The following MANBA variants were observed in gnomAD, a reference collection of about 807,000 sequenced individuals.
MANBA encodes the protein mannosidase beta.
In MANBA, 83 loss-of-function variants were observed where a neutral mutation model predicts 111.1. That is an observed-to-expected ratio of 0.75 (90% CI 0.63 to 0.90). MANBA has a LOEUF of 0.90. Ranked by LOEUF, MANBA falls within the 40% of genes least tolerant of loss-of-function variation. MANBA has a pLI of 0.00. For missense variants in MANBA, 1,036 were observed against 1,069.0 expected, an observed-to-expected ratio of 0.97 and a Z score of 0.43; for synonymous variants, 370 against 378.7, an observed-to-expected ratio of 0.98 and a Z score of 0.27.
At chr4:102,735,016 G>A (rs1723160232) in intron 1 of MANBA, among the ~76,000 whole-genome samples, 1 of 152,100 alleles carries the variant, frequency 6.6e-6, no homozygotes, top group Non-Finnish European at 1.5e-5. Flanking sequence ...CCCATTATTT[G>A]TGCACTACAG....
At chr4:102,639,033 A>C (rs1729752438) in intron 14 of MANBA, among the ~76,000 whole-genome samples, 1 of 152,210 alleles carries the variant, frequency 6.6e-6, no homozygotes, top group Non-Finnish European at 1.5e-5. Context: ...TCTCTAGTGA[A>C]GGGCAAAGAC....
intron 1 of MANBA, chr4:102,728,795 G>GGA: frequency 1.1e-6 from 1 of 939,960 alleles, no homozygotes. Context: ...CCCATCATGG[G>GGA]TCTCGATCTT....
chr4:102,685,665 G>T (rs1028923353), intron 7 of MANBA, among the ~76,000 whole-genome samples: 8 of 151,956 alleles, frequency 5.3e-5, no homozygotes, highest in Non-Finnish European at 1.2e-4. Context: ...TTTTGCTGTT[G>T]CTTTCCATTC....
intron 10 of MANBA, chr4:102,665,605 T>C (rs1731182464): frequency 6.6e-6 from 1 of 152,230 alleles, no homozygotes; most frequent in Non-Finnish European, 1.5e-5. Flanking sequence ...ACTGAGCTCA[T>C]CTGGGCTGGC....
intron 13 of MANBA, 124 bp from the exon 14 acceptor site, chr4:102,639,981 A>T: frequency 9.9e-7 from 1 of 1,012,156 alleles, no homozygotes. Context: ...GGATAAAATT[A>T]GGGAATTTAA....
At chr4:102,734,707 G>A (rs1723147513) in intron 1 of MANBA, 1 of 865,782 alleles carries the variant, frequency 1.2e-6, no homozygotes, top group African/African-American at 1.7e-5. Context: ...CTCCATCCCA[G>A]GTTCAGGGTC....
At chr4:102,699,856 G>A (rs1182783422) in intron 5 of MANBA, among the ~76,000 whole-genome samples, 1 of 150,772 alleles carries the variant, frequency 6.6e-6, no homozygotes, top group Non-Finnish European at 1.5e-5. Context: ...TTGGTATCAG[G>A]ATGATGCTGG....
At chr4:102,714,615 C>G (rs975813903) in intron 4 of MANBA, 54 bp from the exon 5 acceptor site, 10 of 1,540,942 alleles carry the variant, frequency 6.5e-6, no homozygotes, top group Admixed American at 3.4e-5. Context: ...GAAATTTAAA[C>G]ATTATGAAAA....
chr4:102,682,096 G>A (rs568326132), intron 7 of MANBA, among the ~76,000 whole-genome samples: 15 of 147,258 alleles, frequency 1.0e-4, no homozygotes, highest in African/African-American at 2.0e-4. Flanking sequence ...GCAGTGAGCC[G>A]AGATCACGCC....
intron 12 of MANBA, among the ~76,000 whole-genome samples, chr4:102,653,456 T>C (rs1730431560): frequency 6.6e-6 from 1 of 152,244 alleles, no homozygotes; most frequent in Non-Finnish European, 1.5e-5. Context: ...TTATATTTTA[T>C]GAAAAATCAA....
intron 10 of MANBA, chr4:102,665,649 T>C (rs1388690538): frequency 1.3e-5 from 2 of 152,294 alleles, no homozygotes; most frequent in Non-Finnish European, 2.9e-5. Context: ...ACTTGTGTTA[T>C]GTTTGCACTG....
intron 1 of MANBA, among the ~76,000 whole-genome samples, chr4:102,743,107 A>C (rs1259663698): frequency 6.6e-6 from 1 of 152,178 alleles, no homozygotes; most frequent in African/African-American, 2.4e-5. Flanking sequence ...GATTATTAAA[A>C]TCCTCCTCTG....
intron 5 of MANBA, among the ~76,000 whole-genome samples, chr4:102,691,560 G>A (rs537354357): frequency 6.6e-6 from 1 of 150,740 alleles, no homozygotes; most frequent in East Asian, 1.9e-4. Context: ...GTTGCCCCGG[G>A]AGTCACACAA....
intron 5 of MANBA, among the ~76,000 whole-genome samples, chr4:102,700,906 G>T (rs1412498856): frequency 6.6e-6 from 1 of 151,836 alleles, no homozygotes; most frequent in Non-Finnish European, 1.5e-5. Flanking sequence ...TCAATTCCTG[G>T]GTATCCTTGT....
At chr4:102,644,863 A>C (rs1730032273) in intron 13 of MANBA, among the ~76,000 whole-genome samples, 1 of 152,060 alleles carries the variant, frequency 6.6e-6, no homozygotes, top group Non-Finnish European at 1.5e-5. Context: ...ATCATGTTGT[A>C]CACCACAAAT....
At chr4:102,637,207 A>C (rs973628245) in intron 14 of MANBA, among the ~76,000 whole-genome samples, 2 of 152,178 alleles carry the variant, frequency 1.3e-5, no homozygotes, top group Non-Finnish European at 2.9e-5. Context: ...ATGAGAACAG[A>C]CTAATACAGG....
chr4:102,646,147 G>A (rs1367242294), intron 13 of MANBA, among the ~76,000 whole-genome samples: 1 of 152,048 alleles, frequency 6.6e-6, no homozygotes, highest in Non-Finnish European at 1.5e-5. Flanking sequence ...CATGACCCAG[G>A]ACCAGGCAGG....
chr4:102,681,847 T>C (rs541061546), intron 7 of MANBA, among the ~76,000 whole-genome samples: 1 of 152,228 alleles, frequency 6.6e-6, no homozygotes, highest in South Asian at 2.1e-4. Flanking sequence ...AATGACTGTA[T>C]AACTAAGAGT....
intron 5 of MANBA, among the ~76,000 whole-genome samples, chr4:102,705,664 C>T (rs1733264164): frequency 6.6e-6 from 1 of 152,170 alleles, no homozygotes; most frequent in Non-Finnish European, 1.5e-5. Flanking sequence ...CACTACTGCC[C>T]CCACCCAAGC....
Sources: gnomAD v4.1 joint callset for allele counts (sites outside exome capture counted in the v4.1 genomes callset) on GRCh38, gnomAD v4.1.1 for gene constraint, MANE v1.5 for transcripts, NCBI Gene and HGNC (gene_info 2026-07-23, HGNC 2026-07-21) for gene names.